FYCO1: variants seen among roughly 807,000 people sequenced by gnomAD.
FYCO1 encodes the protein FYVE and coiled-coil domain-containing protein 1.
Under a neutral mutation model 165.1 loss-of-function variants are expected in FYCO1, and 122 were observed. The ratio of observed to expected loss-of-function variants is 0.74; its 90% CI spans 0.64 to 0.86. The LOEUF (loss-of-function observed/expected upper bound fraction) is 0.86. FYCO1 is among the 40% of genes least tolerant of loss of function. FYCO1 has a pLI of 0.00. For synonymous variants in FYCO1, 648 were observed against 742.5 expected, an observed-to-expected ratio of 0.87 and a Z score of 2.07; for missense variants, 1,702 against 1,810.3, an observed-to-expected ratio of 0.94 and a Z score of 1.09.
chr3:45,931,680 T>C (rs957436619), intron 15 of FYCO1, among the ~76,000 whole-genome samples: 23 of 152,316 alleles, frequency 1.5e-4, no homozygotes, highest in African/African-American at 4.8e-4. Flanking sequence ...CAGCCATCTG[T>C]TTTTTCTCTG....
At chr3:45,983,013 G>A (rs1707130616) in intron 2 of FYCO1, among the ~76,000 whole-genome samples, 1 of 152,168 alleles carries the variant, frequency 6.6e-6, no homozygotes. Context: ...GTAGACTCTG[G>A]ATATGAAATA....
chr3:45,926,065 G>A (rs1367952223), intron 16 of FYCO1, among the ~76,000 whole-genome samples: 1 of 152,180 alleles, frequency 6.6e-6, no homozygotes, highest in Non-Finnish European at 1.5e-5. Flanking sequence ...GGAATAGGGT[G>A]AGCCCAACAA....
At chr3:45,927,792 A>G (rs1459446914) in intron 16 of FYCO1, among the ~76,000 whole-genome samples, 1 of 152,200 alleles carries the variant, frequency 6.6e-6, no homozygotes. Flanking sequence ...TATGGGAAGG[A>G]GCTGCTGGAG....
At chr3:45,973,690 G>A (rs11130081) in intron 5 of FYCO1, among the ~76,000 whole-genome samples, 2,909 of 152,284 alleles carry the variant, frequency 0.019, 93 homozygotes, top group African/African-American at 0.067. Context: ...AAGACAGGGT[G>A]AGAAAAAATA....
Position 45,962,291 on chromosome 3 carries a change from A to G in FYCO1, c.3371T>C (p.Leu1124Pro). 1 of 1,614,228 alleles carries G rather than the reference A, an allele frequency of 6.2e-7. No individual in the cohort carries two copies. The highest frequency in any genetic ancestry group is 8.5e-7 in the Non-Finnish European group (1 of 1,180,028). Residue 1124 changes from leucine to proline, a missense_variant, in exon 11 of 18, where the codon CTT (leucine) becomes CCT (proline). Leu to Pro is a moderately conservative substitution (Grantham distance 98). Coordinates refer to ENST00000296137, the MANE Select transcript of FYCO1 (RefSeq NM_024513.4). The surrounding 1 kb of genome is among the most constrained non-coding windows in gnomAD (Gnocchi z 4.4). ...TNRERNDQKM[L>P]ADLDDLNRTK... ...TCTGTTGAGGTCATCCAGGTCAGCA[A>G]GCATCTTCTGGTCATTCCTCTCACG...
chr3:45,964,648 T>G lies in FYCO1; in HGVS notation c.3151-194A>C. ...CTCAACTGCAACTAGTTGTGGTGGT[T>G]GGCAAGTGGCAGGTACCAGAATTCC... On this transcript the variant is annotated intron_variant, in intron 9 of 17. Coordinates refer to ENST00000296137, the MANE Select transcript of FYCO1 (RefSeq NM_024513.4). The surrounding 1 kb of genome is among the most constrained non-coding windows in gnomAD (Gnocchi z 4.1). The G allele has an allele frequency of 3.8e-4, 261 of 694,162 alleles. No individual in the cohort carries two copies. Among genetic ancestry groups the G allele is most frequent in the Non-Finnish European group, 4.4e-4 (248 of 563,842 alleles). The allele number at this position is 694,162 out of a possible 1,614,324, so 43.0% of individuals were successfully genotyped here. A position where few individuals can be genotyped will look rare whatever the true frequency, so the allele number is the denominator to read the frequency against.
Position 45,965,463 on chromosome 3 carries a change from T to C in FYCO1, c.3058-338A>G, listed in dbSNP as rs146554934. Among the ~76,000 whole-genome samples the C allele has an allele frequency of 4.9e-3, 742 of 152,312 alleles. 10 individuals carry two copies. The highest frequency in any genetic ancestry group is 0.013 in the African/African-American group (525 of 41,574). On this transcript the variant is annotated intron_variant, in intron 8 of 17. Coordinates refer to ENST00000296137, the MANE Select transcript of FYCO1 (RefSeq NM_024513.4). ...TCAGAGAGGAGGGTTAGGAGTAGCC[T>C]GAGAGTGCACAGACCTTGATGCAGA...
At chr3:45,994,234 T>C (rs866509040) in intron 1 of FYCO1, among the ~76,000 whole-genome samples, 17 of 146,086 alleles carry the variant, frequency 1.2e-4, no homozygotes, top group South Asian at 4.3e-4. Flanking sequence ...AAAAAAAAAA[T>C]CAAAGTAAAA....
intron 1 of FYCO1, among the ~76,000 whole-genome samples, chr3:45,990,624 C>T (rs79330840): frequency 4.8e-4 from 73 of 152,282 alleles, no homozygotes; most frequent in African/African-American, 1.6e-3. Flanking sequence ...AGTTCTGGCA[C>T]ATGGAGAGCC....
intron 1 of FYCO1, among the ~76,000 whole-genome samples, chr3:45,985,731 C>T (rs1707283051): frequency 6.6e-6 from 1 of 152,246 alleles, no homozygotes; most frequent in Admixed American, 6.5e-5. Context: ...ACAGTCCTCT[C>T]CCAGCTGGTG....
chr3:45,981,740 A>G, intron 2 of FYCO1, 64 bp from the exon 3 acceptor site: 1 of 1,158,528 alleles, frequency 8.6e-7, no homozygotes, highest in South Asian at 1.2e-5. Context: ...AGAAGCAGAA[A>G]TAATCCAGGA....
chr3:45,984,013 G>A (rs188569065), intron 2 of FYCO1, among the ~76,000 whole-genome samples: 1 of 152,334 alleles, frequency 6.6e-6, no homozygotes, highest in African/African-American at 2.4e-5. Flanking sequence ...TGGTGCCCAA[G>A]CAGTTAGAAG....
Position 45,968,192 on chromosome 3 carries a change from G to T in FYCO1, c.1142C>A (p.Thr381Lys). Reference sequence around the variant, plus strand: ...TTGCCGGCCCTTTGTGTCTGATGCCGTATCTGCCTTCTGCTGAGCCATGGC... The same window carrying T: ...TTGCCGGCCCTTTGTGTCTGATGCCTTATCTGCCTTCTGCTGAGCCATGGC... ...WLAMAQQKAD[T>K]ASDTKGRQEP... is the part of the protein sequence containing the mutation. Residue 381 changes from threonine (T) to lysine (K), a missense_variant, in exon 8 of 18, where the codon ACG becomes AAG. By Grantham distance (78) the Thr-to-Lys change is moderately conservative. Transcript: ENST00000296137. 6.2e-7 allele frequency: 1 copy of T among 1,613,972 alleles called. No homozygotes were observed. The highest frequency in any genetic ancestry group is 8.5e-7 in the Non-Finnish European group (1 of 1,180,030).
intron 14 of FYCO1, among the ~76,000 whole-genome samples, chr3:45,949,652 C>T (rs1039009243): frequency 3.3e-5 from 5 of 152,170 alleles, no homozygotes; most frequent in East Asian, 1.9e-4. Flanking sequence ...CTCATGAGCA[C>T]GGCCAGCACA....
chr3:45,945,957 C>G (rs1371479938), intron 14 of FYCO1: 1 of 155,192 alleles, frequency 6.4e-6, no homozygotes, highest in African/African-American at 2.4e-5. Flanking sequence ...GATAGGAGAG[C>G]CCCCTGGTAG....
intron 5 of FYCO1, among the ~76,000 whole-genome samples, chr3:45,974,966 G>C (rs1173176713): frequency 1.3e-5 from 2 of 152,114 alleles, no homozygotes; most frequent in Non-Finnish European, 2.9e-5. Flanking sequence ...GAAAATGCCT[G>C]GTATCGGGAG....
chr3:45,995,250 A>T (rs1258416262), intron 1 of FYCO1, among the ~76,000 whole-genome samples: 1 of 152,230 alleles, frequency 6.6e-6, no homozygotes, highest in Non-Finnish European at 1.5e-5. Context: ...CCTCCTGGGA[A>T]GAGGGCAGAG....
intron 14 of FYCO1, chr3:45,947,042 T>C: frequency 6.2e-7 from 1 of 1,614,212 alleles, no homozygotes; most frequent in South Asian, 1.1e-5. Context: ...ACGAGGCAAT[T>C]TCCACTGTGG....
At chr3:45,981,154 G>A (rs1458715940) in intron 3 of FYCO1, among the ~76,000 whole-genome samples, 1 of 152,170 alleles carries the variant, frequency 6.6e-6, no homozygotes, top group Non-Finnish European at 1.5e-5. Context: ...AATCTTTAGA[G>A]GGTCCACACA....
Sources: gnomAD v4.1 joint callset for allele counts (sites outside exome capture counted in the v4.1 genomes callset) on GRCh38, gnomAD v4.1.1 for gene constraint, Gnocchi (gnomAD v3.1) non-coding constraint, MANE v1.5 for transcripts, NCBI Gene and HGNC (gene_info 2026-07-23, HGNC 2026-07-21) for gene names.